Variants in OR14I1 observed in about 807,000 individuals in gnomAD.
OR14I1 encodes olfactory receptor 14I1.
For missense variants in OR14I1, 279 were observed against 181.8 expected (o/e 1.53, Z -3.07); for synonymous variants, 118 against 71.1 (o/e 1.66, Z -3.32).
chr1:248,679,902 A>T (rs149413284), downstream of OR14I1, among the ~76,000 whole-genome samples: 7 of 152,368 alleles, frequency 4.6e-5, no homozygotes, highest in Non-Finnish European at 1.0e-4. Flanking sequence ...AGAGAAAAAC[A>T]GTGATAGCTT....
At chr1:248,688,466 T>C in the OR14I1 span, among the ~76,000 whole-genome samples, 3 of 152,230 alleles carry the variant, frequency 2.0e-5, no homozygotes, top group Non-Finnish European at 4.4e-5. Flanking sequence ...GGAGATTTAT[T>C]CTGCTAAATC....
chr1:248,684,042 A>G (rs76344375), upstream of OR14I1, among the ~76,000 whole-genome samples: 1 of 13,850 alleles, frequency 7.2e-5, no homozygotes, highest in East Asian at 8.1e-3. Context: ...CAAAAAGGAA[A>G]AACAAAAAGA....
upstream of OR14I1, chr1:248,682,391 G>A: frequency 6.5e-6 from 4 of 620,146 alleles, no homozygotes; most frequent in South Asian, 5.9e-5. Context: ...TGTGGTAGGA[G>A]TAATATCCTC....
At chr1:248,702,428 T>C in the OR14I1 span, among the ~76,000 whole-genome samples, 7 of 152,050 alleles carry the variant, frequency 4.6e-5, no homozygotes, top group South Asian at 1.5e-3. Flanking sequence ...AGAAATTCTA[T>C]CTATTTATTG....
chr1:248,687,439 A>G, the OR14I1 span, among the ~76,000 whole-genome samples: 12 of 152,290 alleles, frequency 7.9e-5, no homozygotes, highest in East Asian at 2.3e-3. Flanking sequence ...CTTCCTCCAA[A>G]TCTATTTGTT....
upstream of OR14I1, among the ~76,000 whole-genome samples, chr1:248,684,414 T>C (rs1661609296): frequency 1.3e-5 from 2 of 152,232 alleles, no homozygotes; most frequent in Admixed American, 1.3e-4. Flanking sequence ...GAGGGTCAAC[T>C]GGAAATTTTG....
At chr1:248,689,894 C>CA in the OR14I1 span, among the ~76,000 whole-genome samples, 4 of 152,158 alleles carry the variant, frequency 2.6e-5, no homozygotes, top group African/African-American at 9.7e-5. Flanking sequence ...GACCACAGTG[C>CA]ACCAAATTAG....
exon 1 of OR14I1, chr1:248,681,990 A>G (rs371362167): frequency 1.3e-6 from 1 of 780,936 alleles, no homozygotes; most frequent in Non-Finnish European, 2.4e-6. Flanking sequence ...CAGCAGATGC[A>G]AAGGCAGAGA....
chr1:248,696,007 G>A, the OR14I1 span, among the ~76,000 whole-genome samples: 14 of 152,206 alleles, frequency 9.2e-5, no homozygotes, highest in Non-Finnish European at 1.8e-4. Flanking sequence ...AGGCCATCGC[G>A]ATCATGTGTG....
the OR14I1 span, among the ~76,000 whole-genome samples, chr1:248,693,720 A>G: frequency 1.3e-5 from 2 of 150,664 alleles, no homozygotes; most frequent in Non-Finnish European, 2.9e-5. Flanking sequence ...ACTCTATCCT[A>G]TCTTATCTCC....
downstream of OR14I1, among the ~76,000 whole-genome samples, chr1:248,680,998 G>A (rs1661549422): frequency 6.6e-6 from 1 of 151,320 alleles, no homozygotes; most frequent in Non-Finnish European, 1.5e-5. Flanking sequence ...GTGTGTGTAT[G>A]TGTGTGTCCT....
chr1:248,699,456 T>C, the OR14I1 span, among the ~76,000 whole-genome samples: 2 of 152,128 alleles, frequency 1.3e-5, no homozygotes, highest in Admixed American at 6.5e-5. Context: ...ACCTTTACTA[T>C]ATGGCAGCAG....
exon 1 of OR14I1, chr1:248,682,182 C>T (rs773925166): frequency 1.0e-5 from 8 of 780,912 alleles, no homozygotes; most frequent in African/African-American, 1.7e-5. Flanking sequence ...CAATGATGAG[C>T]AGGTTCCCCA....
downstream of OR14I1, among the ~76,000 whole-genome samples, chr1:248,680,671 T>C (rs755161788): frequency 6.6e-6 from 1 of 152,134 alleles, no homozygotes; most frequent in Non-Finnish European, 1.5e-5. Flanking sequence ...ACACATTGAA[T>C]ATTAACACAG....
chr1:248,693,899 TAA>T, the OR14I1 span, among the ~76,000 whole-genome samples: 942 of 132,348 alleles, frequency 7.1e-3, 10 homozygotes, highest in Middle Eastern at 0.052. Flanking sequence ...CAGAACTTTT[TAA>T]AAAAAAAAAA....
At chr1:248,697,770 C>A in the OR14I1 span, among the ~76,000 whole-genome samples, 2 of 151,848 alleles carry the variant, frequency 1.3e-5, no homozygotes, top group African/African-American at 4.8e-5. Flanking sequence ...GCAACAAGAG[C>A]AAAACTCCAT....
At chr1:248,685,507 T>C (rs6657317), upstream of OR14I1, among the ~76,000 whole-genome samples, 150,985 of 152,240 alleles carry the variant, frequency 0.99, 74,888 homozygotes, top group East Asian at 1. Flanking sequence ...GTTAGCTTGC[T>C]ATCGGTAGAT....
At chr1:248,697,296 C>G in the OR14I1 span, 1 of 151,964 alleles carries the variant, frequency 6.6e-6, no homozygotes, top group African/African-American at 2.4e-5. Context: ...AGCTTTTGTC[C>G]AAATCTCTTA....
the OR14I1 span, among the ~76,000 whole-genome samples, chr1:248,699,642 T>G: frequency 6.6e-6 from 1 of 152,194 alleles, no homozygotes; most frequent in African/African-American, 2.4e-5. Context: ...CACAGTGGAC[T>G]CACTGAGCTG....
Sources: allele counts gnomAD v4.1 joint callset (sites outside exome capture counted in the v4.1 genomes callset), GRCh38; gene constraint gnomAD v4.1.1; transcripts MANE v1.5; gene names NCBI Gene and HGNC (gene_info 2026-07-23, HGNC 2026-07-21).